Variants in ARHGAP24 observed in about 807,000 individuals in gnomAD.
ARHGAP24 encodes the protein rho GTPase-activating protein 24.
A neutral mutation model predicts 76.4 loss-of-function variants in ARHGAP24; 50 were observed. The observed-to-expected ratio is 0.65, with a 90% CI of 0.52 to 0.83. ARHGAP24 has a LOEUF of 0.83. Among genes scored for constraint, ARHGAP24 ranks in the 40% least tolerant of loss-of-function variants. The probability of loss-of-function intolerance (pLI) is 0.00; values close to 1 mark genes in which losing one functional copy is unlikely to be tolerated. For missense variants in ARHGAP24, 930 were observed against 914.2 expected (o/e 1.02, Z -0.22); for synonymous variants, 345 against 323.3 (o/e 1.07, Z -0.72).
chr4:85,641,605 T>G (rs1292700078), intron 2 of ARHGAP24, among the ~76,000 whole-genome samples: 2 of 152,222 alleles, frequency 1.3e-5, no homozygotes, highest in Non-Finnish European at 2.9e-5. Flanking sequence ...GGGCCTACCT[T>G]AACCACCTTG....
At chr4:85,521,387 A>G (rs1009042110) in intron 1 of ARHGAP24, among the ~76,000 whole-genome samples, 1 of 87,998 alleles carries the variant, frequency 1.1e-5, no homozygotes. Context: ...CTGCCAGATG[A>G]TCTTAAGAGC....
intron 3 of ARHGAP24, among the ~76,000 whole-genome samples, chr4:85,844,682 G>A (rs936977733): frequency 1.3e-5 from 2 of 152,200 alleles, no homozygotes; most frequent in African/African-American, 2.4e-5. Flanking sequence ...ATTGCAATGG[G>A]AGTTGTACTT....
At chr4:85,822,123 A>G (rs77931168) in intron 3 of ARHGAP24, among the ~76,000 whole-genome samples, 25 of 152,306 alleles carry the variant, frequency 1.6e-4, no homozygotes, top group South Asian at 1.2e-3. Flanking sequence ...CATTTTCTCC[A>G]TATATGCATG....
intron 3 of ARHGAP24, among the ~76,000 whole-genome samples, chr4:85,865,088 T>C (rs1459129796): frequency 6.6e-6 from 1 of 152,142 alleles, no homozygotes; most frequent in Non-Finnish European, 1.5e-5. Context: ...GACTTAGATG[T>C]AGAAATGACT....
In ARHGAP24 at chr4:85,743,064, G is replaced by A. The variant is rs2046214; in HGVS notation, c.268+21092G>A. 2.7e-3 allele frequency among the ~76,000 whole-genome samples: 414 copies of A among 152,124 alleles called. 1 individual carries two copies. Among genetic ancestry groups the A allele is most frequent in the African/African-American group, 9.4e-3 (390 of 41,492 alleles). On this transcript the variant is annotated intron_variant, in intron 3 of 9. Transcript: ENST00000395184. ...GGACTCCAGATCTCAGTTAAAATGA[G>A]AGAATCTGAATCTCTAGGCAATGAT...
At chr4:85,625,917 T>A (rs1227656241) in intron 2 of ARHGAP24, among the ~76,000 whole-genome samples, 1 of 152,192 alleles carries the variant, frequency 6.6e-6, no homozygotes, top group Non-Finnish European at 1.5e-5. Flanking sequence ...GTTTTCTATT[T>A]GCTTGGTAGA....
At chr4:85,976,221 G>C (rs1302269815) in intron 7 of ARHGAP24, among the ~76,000 whole-genome samples, 3 of 152,200 alleles carry the variant, frequency 2.0e-5, no homozygotes, top group Non-Finnish European at 4.4e-5. Flanking sequence ...AGAAATGCTA[G>C]TTTGACTTTT....
chr4:85,820,058 G>A (rs756089139), intron 3 of ARHGAP24, among the ~76,000 whole-genome samples: 4 of 152,136 alleles, frequency 2.6e-5, no homozygotes, highest in East Asian at 1.9e-4. Flanking sequence ...TACAACAATT[G>A]TGAAAAGCAG....
At chr4:85,630,405 C>A (rs1465918685) in intron 2 of ARHGAP24, among the ~76,000 whole-genome samples, 1 of 152,112 alleles carries the variant, frequency 6.6e-6, no homozygotes, top group Non-Finnish European at 1.5e-5. Context: ...TGTCGCATTT[C>A]TGTGATTATT....
At chr4:85,489,541 C>T (rs1211323360) in intron 1 of ARHGAP24, among the ~76,000 whole-genome samples, 2 of 152,138 alleles carry the variant, frequency 1.3e-5, no homozygotes, top group South Asian at 2.1e-4. Context: ...GCTCATGGCT[C>T]AGCTGGGTGA....
intron 3 of ARHGAP24, among the ~76,000 whole-genome samples, chr4:85,810,097 G>A (rs1314879491): frequency 3.3e-5 from 5 of 152,246 alleles, no homozygotes; most frequent in Middle Eastern, 6.8e-3. Flanking sequence ...TCCTCAGAAC[G>A]TGATCAATGC....
chr4:85,894,008 G>A (rs1373537758), intron 3 of ARHGAP24, among the ~76,000 whole-genome samples: 34 of 144,130 alleles, frequency 2.4e-4, no homozygotes, highest in African/African-American at 5.2e-4. Context: ...TAGATGACAC[G>A]TTAGTGGGTG....
rs188977366 is a variant in ARHGAP24 at position 85,936,159 on chromosome 4, G to C, written c.392-5907G>C. Among the ~76,000 whole-genome samples, 215 of 152,308 alleles carry C rather than the reference G, an allele frequency of 1.4e-3. 1 individual carries two copies. The highest frequency in any genetic ancestry group is 0.013 in the Admixed American group (197 of 15,306). ...CCTGCTAGCAGAGTTGCAGTAAGCA[G>C]AGGATAAGTCAAGGCAAATTCCCAC... is the stretch of plus-strand genomic sequence containing the variant. On this transcript the variant is annotated intron_variant, in intron 4 of 9. Transcript: ENST00000395184.
intron 3 of ARHGAP24, among the ~76,000 whole-genome samples, chr4:85,744,053 A>G (rs899801491): frequency 6.6e-6 from 1 of 152,200 alleles, no homozygotes; most frequent in East Asian, 1.9e-4. Flanking sequence ...AACAAAAACA[A>G]AAACAAAACC....
At chr4:85,916,895 G>C (rs1456461439) in intron 3 of ARHGAP24, among the ~76,000 whole-genome samples, 2 of 152,064 alleles carry the variant, frequency 1.3e-5, no homozygotes, top group Non-Finnish European at 2.9e-5. Context: ...TTCTAAGAAA[G>C]ACATCACTTC....
intron 2 of ARHGAP24, among the ~76,000 whole-genome samples, chr4:85,630,817 C>T (rs950984011): frequency 6.6e-6 from 1 of 151,446 alleles, no homozygotes; most frequent in Admixed American, 6.6e-5. Context: ...TCTTTTTCTA[C>T]ATTTCTATGC....
chr4:85,923,969 G>A (rs933817282), intron 4 of ARHGAP24, among the ~76,000 whole-genome samples, 199 bp downstream of exon 4: 1 of 151,916 alleles, frequency 6.6e-6, no homozygotes, highest in South Asian at 2.1e-4. Context: ...TAATTATAAC[G>A]AACCTTCTTC....
chr4:85,498,184 C>T (rs1723654904), intron 1 of ARHGAP24, among the ~76,000 whole-genome samples: 2 of 152,142 alleles, frequency 1.3e-5, no homozygotes, highest in African/African-American at 4.8e-5. Flanking sequence ...TCAAAGGTGA[C>T]TAATATCTTG....
Position 85,994,706 on chromosome 4 carries a change from A to C in ARHGAP24, c.1052A>C (p.Lys351Thr), listed in dbSNP as rs1393715671. The stretch of plus-strand genomic sequence containing the variant: ...GTGAGCAACAACAATGAAATTCAGA[A>C]GAAAGCCACCATGGGGCAGTTACAG... The part of the protein sequence containing the change: ...DGVSNNNEIQ[K>T]KATMGQLQNK... The change falls in exon 9 of 10, where the codon AAG becomes ACG. Residue 351 changes from lysine (K) to threonine (T), a missense_variant. Coordinates refer to ENST00000395184, the MANE Select transcript of ARHGAP24 (RefSeq NM_001025616.3). 9 of 1,614,184 alleles carry C rather than the reference A, an allele frequency of 5.6e-6. No individual in the cohort carries two copies. The South Asian group carries it at 8.8e-5, about 16-fold the overall frequency.
Sources: allele counts gnomAD v4.1 joint callset (sites outside exome capture counted in the v4.1 genomes callset), GRCh38; gene constraint gnomAD v4.1.1; transcripts MANE v1.5; gene names NCBI Gene and HGNC (gene_info 2026-07-23, HGNC 2026-07-21).